The following KIFAP3 variants were observed in gnomAD, a reference collection of about 807,000 sequenced individuals.
KIFAP3 encodes kinesin-associated protein 3.
A neutral mutation model predicts 106.5 loss-of-function variants in KIFAP3; 68 were observed. The ratio of observed to expected loss-of-function variants is 0.64; its 90% CI spans 0.53 to 0.78. KIFAP3 has a LOEUF of 0.78. Among genes scored for constraint, KIFAP3 ranks in the 30% least tolerant of loss-of-function variants. The pLI, the probability that KIFAP3 is intolerant of heterozygous loss-of-function variation, is 0.00. For missense variants in KIFAP3, 780 were observed against 941.8 expected (o/e 0.83, Z 2.25); for synonymous variants, 320 against 311.5 (o/e 1.03, Z -0.29).
Position 170,041,540 on chromosome 1 carries a change from C to A in KIFAP3, c.320-2252G>T, listed in dbSNP as rs78004263. On this transcript the variant is annotated intron_variant, in intron 3 of 19. Transcript: ENST00000361580. ...TTAGTGGTGAACTCATAAAGGGATA[C>A]CCCTCGTAGGCATCTGCCTGTGGCT... 4.2e-3 allele frequency: 2,515 copies of A among 595,286 alleles called. 96 individuals are homozygous for A. In the East Asian group the frequency reaches 0.064, roughly 15 times the overall value. 36.9% of individuals were successfully genotyped at this position (595,286 alleles called of 1,614,324 possible).
rs1462191989 is a variant in KIFAP3 at position 169,978,150 on chromosome 1, A to G, written c.1832T>C (p.Ile611Thr). Residue 611 changes from isoleucine to threonine, a missense_variant, in exon 16 of 20, where the codon ATA (isoleucine) becomes ACA (threonine). Ile to Thr is a moderately conservative substitution (Grantham distance 89). This residue lies in a region of KIFAP3 where 78 missense variants were observed against 140.6 expected (regional missense o/e 0.55). Transcript: ENST00000361580. ...QQEDDEFVCQ[I>T]IYVFYQMVFH... is the part of the protein sequence containing the mutation. ...AACCATCTGGTAGAAGACATAAATT[A>G]TCTGACACACAAATTCATCATCTTC... 3.7e-6 allele frequency: 6 copies of G among 1,612,432 alleles called. No individual in the cohort carries two copies. Among genetic ancestry groups the G allele is most frequent in the Non-Finnish European group, 5.1e-6 (6 of 1,178,932 alleles).
Position 169,961,246 on chromosome 1 carries a change from C to CA in KIFAP3, c.1984-12dup. On this transcript the variant is annotated splice_polypyrimidine_tract_variant and intron_variant, in intron 17 of 19. Coordinates refer to ENST00000361580, the MANE Select transcript of KIFAP3 (RefSeq NM_014970.4). ...TTCTTCATCATATTCCTATTGAAAA[C>CA]AAACAGTCAACTGTTATTATATAAG... The CA allele has an allele frequency of 6.2e-7, 1 of 1,601,076 alleles. No individual in the cohort carries two copies. The highest frequency in any genetic ancestry group is 1.3e-5 in the African/African-American group (1 of 74,826).
chr1:169,945,141 G>C (rs1324490264), intron 19 of KIFAP3, among the ~76,000 whole-genome samples: 1 of 19,352 alleles, frequency 5.2e-5, no homozygotes, highest in African/African-American at 6.2e-4. Context: ...TGAGGCAGTG[G>C]GGGGCGGGGG....
At chr1:170,029,494 C>T (rs1313141607) in intron 8 of KIFAP3, among the ~76,000 whole-genome samples, 1 of 151,720 alleles carries the variant, frequency 6.6e-6, no homozygotes, top group Non-Finnish European at 1.5e-5. Context: ...CTGTGGGATG[C>T]CATCAAAGAA....
chr1:169,946,817 T>G (rs2101826351), intron 19 of KIFAP3, among the ~76,000 whole-genome samples: 1 of 152,090 alleles, frequency 6.6e-6, no homozygotes, highest in East Asian at 1.9e-4. Flanking sequence ...TTCCACCTTC[T>G]TAACTAAAAA....
Position 170,074,625 on chromosome 1 carries a change from A to C in KIFAP3, c.-158T>G. The C allele has an allele frequency of 1.3e-6, 2 of 1,496,560 alleles. No homozygotes were observed. Among genetic ancestry groups the C allele is most frequent in the Non-Finnish European group, 1.8e-6 (2 of 1,119,694 alleles). 92.7% of individuals were successfully genotyped at this position (1,496,560 alleles called of 1,614,324 possible). A position where few individuals can be genotyped will look rare whatever the true frequency, so the allele number is the denominator to read the frequency against. On this transcript the variant is annotated 5_prime_UTR_variant, in exon 1 of 20. Coordinates refer to ENST00000361580, the MANE Select transcript of KIFAP3 (RefSeq NM_014970.4). ...AGCGGCGCTGTGGTTACCACGGTGA[A>C]GCCTCCAGCTCCTCCCACAGCTTCT...
intron 17 of KIFAP3, among the ~76,000 whole-genome samples, chr1:169,966,987 C>T (rs142126896): frequency 1.3e-5 from 2 of 151,156 alleles, no homozygotes; most frequent in African/African-American, 4.9e-5. Context: ...TAATGCTGAC[C>T]ATTTATGTTT....
At chr1:169,996,513 G>C (rs960273983) in intron 10 of KIFAP3, among the ~76,000 whole-genome samples, 2 of 152,052 alleles carry the variant, frequency 1.3e-5, no homozygotes, top group East Asian at 3.9e-4. Flanking sequence ...GTAATTAAAG[G>C]GGTAGGTATT....
intron 10 of KIFAP3, among the ~76,000 whole-genome samples, chr1:170,000,206 C>A (rs967154770): frequency 6.6e-6 from 1 of 152,044 alleles, no homozygotes; most frequent in African/African-American, 2.4e-5. Flanking sequence ...AGATCCAGCC[C>A]AACACTGTGA....
Position 170,028,025 on chromosome 1 carries a change from T to C in KIFAP3, c.842-3429A>G, listed in dbSNP as rs188204661. Among the ~76,000 whole-genome samples the C allele has an allele frequency of 3.9e-5, 6 of 152,162 alleles. No homozygotes were observed. The East Asian group carries it at 1.2e-3, about 29-fold the overall frequency. On this transcript the variant is annotated intron_variant, in intron 8 of 19. Transcript: ENST00000361580. ...AACATCCTTACAGTATTAAAAAAAG[T>C]TGTCAACCTAGAGTTCTAAACCCAG... is the stretch of plus-strand genomic sequence containing the variant.
chr1:170,004,878 A>G (rs1352454682), intron 10 of KIFAP3, among the ~76,000 whole-genome samples: 9 of 151,292 alleles, frequency 5.9e-5, no homozygotes, highest in African/African-American at 1.7e-4. Flanking sequence ...AAACTAAAGA[A>G]CTTCTGCACA....
chr1:170,074,414 C>A, intron 1 of KIFAP3, 22 bp downstream of exon 1: 1 of 1,613,706 alleles, frequency 6.2e-7, no homozygotes, highest in Non-Finnish European at 8.5e-7. Flanking sequence ...GAGGGTAGGA[C>A]AGAGCCTTGG....
chr1:169,990,252 AACTTT>A lies in KIFAP3; in HGVS notation c.1284+1898_1284+1902del, dbSNP rs543910485. 1.1e-4 allele frequency: 76 copies of A among 686,036 alleles called. No homozygotes were observed. The African/African-American group carries it at 1.2e-3, about 11-fold the overall frequency. 42.5% of individuals were successfully genotyped at this position (686,036 alleles called of 1,614,324 possible). On this transcript the variant is annotated intron_variant, in intron 11 of 19. Coordinates refer to ENST00000361580, the MANE Select transcript of KIFAP3 (RefSeq NM_014970.4). ...ATACCAAAAATTCACACTAGCATAT[AACTTT>A]ACTTTAACATTGACTAGATTGACTT...
intron 9 of KIFAP3, among the ~76,000 whole-genome samples, chr1:170,020,881 C>A (rs950702479): frequency 2.0e-5 from 3 of 152,060 alleles, no homozygotes; most frequent in African/African-American, 7.2e-5. Flanking sequence ...ATGACAAAAA[C>A]CTCTATAAAA....
intron 11 of KIFAP3, among the ~76,000 whole-genome samples, chr1:169,987,487 T>C (rs1666886910): frequency 6.6e-6 from 1 of 152,012 alleles, no homozygotes; most frequent in Admixed American, 6.6e-5. Flanking sequence ...CCAAACATCT[T>C]TGAATGATTA....
At chr1:170,075,273 T>G (rs1176043438), upstream of KIFAP3, among the ~76,000 whole-genome samples, 2 of 152,244 alleles carry the variant, frequency 1.3e-5, no homozygotes, top group African/African-American at 4.8e-5. Context: ...GAAGGGTTCT[T>G]TTTTAACTGC....
At chr1:170,042,157 G>A (rs943354071) in intron 3 of KIFAP3, among the ~76,000 whole-genome samples, 1 of 152,196 alleles carries the variant, frequency 6.6e-6, no homozygotes, top group African/African-American at 2.4e-5. Context: ...TTGTAATTTT[G>A]TCTTGGTCGA....
intron 19 of KIFAP3, among the ~76,000 whole-genome samples, chr1:169,942,452 C>T (rs545397533): frequency 6.6e-6 from 1 of 152,306 alleles, no homozygotes; most frequent in East Asian, 1.9e-4. Context: ...CCTGCAACCA[C>T]TTGACTGGAT....
intron 1 of KIFAP3, among the ~76,000 whole-genome samples, chr1:170,056,760 A>AAC (rs1462219967): frequency 1.3e-5 from 2 of 152,036 alleles, no homozygotes; most frequent in Admixed American, 1.3e-4. Flanking sequence ...GGTTATGATT[A>AAC]ACAGTCAAGT....
Sources: gnomAD v4.1 joint callset for allele counts (sites outside exome capture counted in the v4.1 genomes callset) on GRCh38, gnomAD v4.1.1 for gene constraint, gnomAD v4.1.1 regional missense constraint, MANE v1.5 for transcripts, NCBI Gene and HGNC (gene_info 2026-07-23, HGNC 2026-07-21) for gene names.